Variants in ARHGAP32 observed in about 807,000 individuals in gnomAD.
The protein encoded by ARHGAP32 is rho GTPase-activating protein 32.
A neutral mutation model predicts 186.5 loss-of-function variants in ARHGAP32; 51 were observed. The ratio of observed to expected loss-of-function variants is 0.27; its 90% CI spans 0.22 to 0.35. ARHGAP32 has a LOEUF of 0.35. Ranked by LOEUF, ARHGAP32 falls within the 10% of genes least tolerant of loss-of-function variation. The pLI, the probability that ARHGAP32 is intolerant of heterozygous loss-of-function variation, is 1.00. For missense variants in ARHGAP32, 2,186 were observed against 2,623.5 expected (o/e 0.83, Z 3.64); for synonymous variants, 950 against 964.3 (o/e 0.99, Z 0.27).
At chr11:129,050,674 G>A in intron 10 of ARHGAP32, among the ~76,000 whole-genome samples, 1 of 152,154 alleles carries the variant, frequency 6.6e-6, no homozygotes, top group South Asian at 2.1e-4. Context: ...TTTAAGTTCT[G>A]GGATACATGT....
intron 5 of ARHGAP32, among the ~76,000 whole-genome samples, chr11:129,109,635 T>A (rs1300725182): frequency 2.0e-5 from 3 of 152,124 alleles, no homozygotes; most frequent in African/African-American, 7.2e-5. Flanking sequence ...TAAGATAATA[T>A]AACTCATTGT....
intron 12 of ARHGAP32, among the ~76,000 whole-genome samples, chr11:128,988,653 C>T (rs1308389658): frequency 6.6e-6 from 1 of 152,162 alleles, no homozygotes; most frequent in Non-Finnish European, 1.5e-5. Flanking sequence ...ATTCAATCAA[C>T]AAAACACCAA....
intron 5 of ARHGAP32, among the ~76,000 whole-genome samples, chr11:129,101,644 C>T (rs1941902602): frequency 2.0e-5 from 3 of 151,906 alleles, no homozygotes; most frequent in South Asian, 2.1e-4. Context: ...GACAGACAGA[C>T]AAGAATAGAG....
intron 11 of ARHGAP32, among the ~76,000 whole-genome samples, chr11:129,040,402 C>T (rs1377155246): frequency 6.6e-6 from 1 of 152,020 alleles, no homozygotes; most frequent in African/African-American, 2.4e-5. Context: ...AACTAAATCA[C>T]CTCAATAAAC....
At chr11:129,086,677 C>T (rs1032063137) in intron 6 of ARHGAP32, among the ~76,000 whole-genome samples, 5 of 152,044 alleles carry the variant, frequency 3.3e-5, no homozygotes, top group South Asian at 2.1e-4. Context: ...AAAAATTAGC[C>T]GGGCGTGGTG....
At chr11:129,205,301 T>C (rs1232033595) in intron 1 of ARHGAP32, among the ~76,000 whole-genome samples, 4 of 152,122 alleles carry the variant, frequency 2.6e-5, no homozygotes, top group Non-Finnish European at 4.4e-5. Flanking sequence ...TTTTTAAGTG[T>C]CAACTGAGAA....
intron 6 of ARHGAP32, among the ~76,000 whole-genome samples, chr11:129,083,480 C>T (rs971534698): frequency 4.6e-5 from 7 of 152,058 alleles, no homozygotes; most frequent in Admixed American, 4.6e-4. Flanking sequence ...AATGGAAAAC[C>T]CAACATTGTA....
At chr11:129,051,665 T>C (rs1189670792) in intron 10 of ARHGAP32, among the ~76,000 whole-genome samples, 1 of 145,126 alleles carries the variant, frequency 6.9e-6, no homozygotes, top group Non-Finnish European at 1.5e-5. Flanking sequence ...TATAAACATT[T>C]AGGTATATTG....
At chr11:129,236,938 G>T (rs1478488527) in intron 1 of ARHGAP32, among the ~76,000 whole-genome samples, 2 of 152,146 alleles carry the variant, frequency 1.3e-5, no homozygotes, top group African/African-American at 4.8e-5. Context: ...TGCCAATTTT[G>T]CTGAGGGTTT....
intron 6 of ARHGAP32, among the ~76,000 whole-genome samples, chr11:129,080,910 T>C (rs1241364044): frequency 6.6e-6 from 1 of 151,834 alleles, no homozygotes; most frequent in Non-Finnish European, 1.5e-5. Flanking sequence ...GAATTAGAAA[T>C]AAATGGGAGC....
intron 1 of ARHGAP32, among the ~76,000 whole-genome samples, chr11:129,259,738 T>C (rs1477487582): frequency 6.6e-6 from 1 of 152,162 alleles, no homozygotes; most frequent in African/African-American, 2.4e-5. Flanking sequence ...GTAATTAACG[T>C]TGCCATTTTT....
intron 1 of ARHGAP32, among the ~76,000 whole-genome samples, chr11:129,235,057 G>A (rs1292231621): frequency 6.6e-6 from 1 of 152,096 alleles, no homozygotes; most frequent in Non-Finnish European, 1.5e-5. Context: ...CATTTCAGGT[G>A]GGCTCTAAAT....
At chr11:129,158,680 G>A (rs754117124) in intron 2 of ARHGAP32, among the ~76,000 whole-genome samples, 3 of 152,124 alleles carry the variant, frequency 2.0e-5, no homozygotes, top group Non-Finnish European at 4.4e-5. Flanking sequence ...AGGATATTCA[G>A]GACTTGAACC....
chr11:129,123,582 C>A lies in ARHGAP32; in HGVS notation c.360-52G>T. ...CGAGATAGTGAAACAGTAAAAATTA[C>A]TAAGTTTAAGGGAAAAATACAGTGG... On this transcript the variant is annotated intron_variant, in intron 4 of 22. Coordinates refer to ENST00000682385, the MANE Select transcript of ARHGAP32 (RefSeq NM_001378024.1). This position sits in a 1 kb window ranked among gnomAD's most constrained non-coding sequence, Gnocchi z 4.6. 1.3e-6 allele frequency: 2 copies of A among 1,524,692 alleles called. No individual in the cohort carries two copies. The highest frequency in any genetic ancestry group is 1.8e-6 in the Non-Finnish European group (2 of 1,105,994). 94.4% of individuals were successfully genotyped at this position (1,524,692 alleles called of 1,614,324 possible).
At chr11:129,214,176 G>A (rs1237556255) in intron 1 of ARHGAP32, among the ~76,000 whole-genome samples, 3 of 152,056 alleles carry the variant, frequency 2.0e-5, no homozygotes, top group African/African-American at 4.8e-5. Flanking sequence ...ATGATTCAAG[G>A]TAATGGCATC....
intron 6 of ARHGAP32, among the ~76,000 whole-genome samples, chr11:129,071,303 T>C (rs1480138435): frequency 1.3e-5 from 2 of 151,588 alleles, no homozygotes; most frequent in East Asian, 3.9e-4. Flanking sequence ...TGGGAAAAAA[T>C]ACATCTTATA....
At chr11:129,013,683 C>A (rs1938199295) in intron 11 of ARHGAP32, among the ~76,000 whole-genome samples, 1 of 152,182 alleles carries the variant, frequency 6.6e-6, no homozygotes, top group Admixed American at 6.5e-5. Flanking sequence ...TCTAGTAACA[C>A]TTCCAAATAT....
intron 9 of ARHGAP32, 75 bp downstream of exon 9, chr11:129,063,827 T>G: frequency 7.1e-7 from 1 of 1,414,228 alleles, no homozygotes; most frequent in Non-Finnish European, 9.3e-7. Flanking sequence ...ATTAAGGAAA[T>G]GGTTAAGAAC....
chr11:129,045,085 CCTAA>C (rs909834454), intron 10 of ARHGAP32, among the ~76,000 whole-genome samples: 32 of 152,270 alleles, frequency 2.1e-4, no homozygotes, highest in African/African-American at 7.2e-4. Flanking sequence ...TCACCTAATA[CCTAA>C]CTCCAATCCC....
Sources: gnomAD v4.1 joint callset for allele counts (sites outside exome capture counted in the v4.1 genomes callset) on GRCh38, gnomAD v4.1.1 for gene constraint, Gnocchi (gnomAD v3.1) non-coding constraint, MANE v1.5 for transcripts, NCBI Gene and HGNC (gene_info 2026-07-23, HGNC 2026-07-21) for gene names.